THRB: variants seen among roughly 807,000 people sequenced by gnomAD.
THRB encodes the protein thyroid hormone receptor beta.
Under a neutral mutation model 47.8 loss-of-function variants are expected in THRB, and 12 were observed. The observed-to-expected ratio is 0.25, with a 90% CI of 0.16 to 0.41. THRB has a LOEUF of 0.41. Among genes scored for constraint, THRB ranks in the 10% least tolerant of loss-of-function variants. THRB has a pLI of 1.00. For synonymous variants in THRB, 218 were observed against 212.2 expected (o/e 1.03, Z -0.24); for missense variants, 348 against 589.2 (o/e 0.59, Z 4.24).
intron 3 of THRB, among the ~76,000 whole-genome samples, chr3:24,286,777 A>AT (rs1052944732): frequency 2.1e-4 from 32 of 152,054 alleles, no homozygotes; most frequent in African/African-American, 7.5e-4. Flanking sequence ...TGAAAACACT[A>AT]TTTTTTTAAT....
intron 4 of THRB, among the ~76,000 whole-genome samples, chr3:24,215,324 A>G (rs2046444943): frequency 6.6e-6 from 1 of 152,202 alleles, no homozygotes; most frequent in Non-Finnish European, 1.5e-5. Flanking sequence ...CCATTTTACA[A>G]GGAGAAAATT....
At chr3:24,403,635 T>C (rs764292012) in intron 1 of THRB, among the ~76,000 whole-genome samples, 4 of 151,994 alleles carry the variant, frequency 2.6e-5, no homozygotes, top group African/African-American at 4.8e-5. Context: ...TCTCGCACCA[T>C]ACAATTGCAG....
chr3:24,319,954 C>T (rs2058373190), intron 2 of THRB, among the ~76,000 whole-genome samples: 1 of 152,190 alleles, frequency 6.6e-6, no homozygotes, highest in African/African-American at 2.4e-5. Context: ...ACATCCACTG[C>T]TCTGGAGGTC....
intron 3 of THRB, among the ~76,000 whole-genome samples, chr3:24,279,460 C>T (rs1310183448): frequency 4.6e-5 from 7 of 152,184 alleles, no homozygotes; most frequent in Admixed American, 2.6e-4. Context: ...TCTCAGCTCA[C>T]TGCAAGCTCC....
intron 5 of THRB, among the ~76,000 whole-genome samples, chr3:24,178,210 T>G (rs2041426512): frequency 6.6e-5 from 10 of 152,218 alleles, no homozygotes; most frequent in Admixed American, 5.2e-4. Context: ...CACTAAGATA[T>G]AAGTGGTTTG....
intron 9 of THRB, among the ~76,000 whole-genome samples, chr3:24,132,425 T>A (rs1336614108): frequency 6.6e-6 from 1 of 152,232 alleles, no homozygotes; most frequent in African/African-American, 2.4e-5. Context: ...AACTATGGAA[T>A]ACTTATTATA....
chr3:24,397,828 CCACCT>C (rs2067089503), intron 1 of THRB, among the ~76,000 whole-genome samples: 1 of 151,906 alleles, frequency 6.6e-6, no homozygotes, highest in African/African-American at 2.4e-5. Flanking sequence ...TGTGATCCAC[CCACCT>C]CGGCCTTCTC....
chr3:24,360,877 T>C (rs1055340750), intron 1 of THRB, among the ~76,000 whole-genome samples: 2 of 152,168 alleles, frequency 1.3e-5, no homozygotes, highest in Admixed American at 6.6e-5. Context: ...CTGCTATTGC[T>C]GTTGTTGAAA....
At chr3:24,158,655 C>G (rs916372710) in intron 5 of THRB, among the ~76,000 whole-genome samples, 1 of 152,192 alleles carries the variant, frequency 6.6e-6, no homozygotes, top group African/African-American at 2.4e-5. Flanking sequence ...GTCTCGAAAT[C>G]CTGATCTCAG....
chr3:24,296,144 C>T (rs1286843695), intron 3 of THRB, among the ~76,000 whole-genome samples: 1 of 152,154 alleles, frequency 6.6e-6, no homozygotes, highest in Non-Finnish European at 1.5e-5. Context: ...GTCAGATATG[C>T]CTTTATTGCC....
At chr3:24,344,681 G>A (rs1331306219) in intron 1 of THRB, among the ~76,000 whole-genome samples, 1 of 141,064 alleles carries the variant, frequency 7.1e-6, no homozygotes, top group Non-Finnish European at 1.5e-5. Flanking sequence ...ACACAAATAT[G>A]TAGGGATATA....
At chr3:24,157,417 C>T (rs567074499) in intron 5 of THRB, among the ~76,000 whole-genome samples, 18 of 152,198 alleles carry the variant, frequency 1.2e-4, no homozygotes, top group African/African-American at 4.3e-4. Flanking sequence ...CCAAAGGACC[C>T]TGGATTCTCA....
chr3:24,351,546 G>T (rs1249475126), intron 1 of THRB, among the ~76,000 whole-genome samples: 1 of 152,106 alleles, frequency 6.6e-6, no homozygotes, highest in African/African-American at 2.4e-5. Flanking sequence ...CCAATTTGTT[G>T]TTAGCCTTGT....
intron 1 of THRB, 108 bp from the exon 2 acceptor site, chr3:24,337,479 T>C (rs1246759794): frequency 6.6e-6 from 1 of 152,234 alleles, no homozygotes; most frequent in African/African-American, 2.4e-5. Flanking sequence ...TAGGGTCTGG[T>C]TTCAGAGCTA....
chr3:24,446,145 T>C (rs2072050560), intron 1 of THRB, among the ~76,000 whole-genome samples: 1 of 152,176 alleles, frequency 6.6e-6, no homozygotes, highest in Non-Finnish European at 1.5e-5. Context: ...AATACTGTCA[T>C]GAGAAATCAG....
chr3:24,162,990 A>T (rs2149260849), intron 5 of THRB, among the ~76,000 whole-genome samples: 1 of 152,274 alleles, frequency 6.6e-6, no homozygotes, highest in East Asian at 1.9e-4. Flanking sequence ...GCAATTATGA[A>T]CTTTTATCTA....
intron 1 of THRB, among the ~76,000 whole-genome samples, chr3:24,419,615 T>G (rs2069059098): frequency 6.6e-6 from 1 of 151,950 alleles, no homozygotes; most frequent in African/African-American, 2.4e-5. Context: ...TCCGAGTTCA[T>G]TGCTCTGCAG....
intron 1 of THRB, among the ~76,000 whole-genome samples, chr3:24,351,796 T>C (rs536499870): frequency 1.3e-5 from 2 of 152,268 alleles, no homozygotes; most frequent in South Asian, 2.1e-4. Context: ...TCTGTAACAA[T>C]GTCTGTAGTG....
At chr3:24,132,923 C>T (rs567214155) in intron 9 of THRB, among the ~76,000 whole-genome samples, 16 of 152,224 alleles carry the variant, frequency 1.1e-4, no homozygotes, top group East Asian at 1.9e-4. Flanking sequence ...TGATTGTCCC[C>T]GTCTGAAAAT....
Sources: allele counts gnomAD v4.1 joint callset (sites outside exome capture counted in the v4.1 genomes callset), GRCh38; gene constraint gnomAD v4.1.1; transcripts MANE v1.5; gene names NCBI Gene and HGNC (gene_info 2026-07-23, HGNC 2026-07-21).